Variants in BEND2 observed in about 807,000 individuals in gnomAD.
The protein encoded by BEND2 is BEN domain containing 2, also known as BEN domain-containing protein 2.
BEND2 carries 19 observed loss-of-function variants against 43.8 expected under a neutral mutation model. The observed-to-expected ratio is 0.43, with a 90% CI of 0.30 to 0.64. The LOEUF (loss-of-function observed/expected upper bound fraction) is 0.64. Ranked by LOEUF, BEND2 falls within the 30% of genes least tolerant of loss-of-function variation. BEND2 has a pLI of 0.11. For missense variants in BEND2, 544 were observed against 574.0 expected, an observed-to-expected ratio of 0.95 and a Z score of 0.53; for synonymous variants, 226 against 210.1, an observed-to-expected ratio of 1.08 and a Z score of -0.66.
chrX:18,183,790 G>A (rs935833189), intron 8 of BEND2, among the ~76,000 whole-genome samples: 5 of 112,040 alleles, frequency 4.5e-5, no homozygotes, highest in East Asian at 2.8e-4. Flanking sequence ...TTGTAGAAAC[G>A]GGAGGGAAGA....
intron 12 of BEND2, among the ~76,000 whole-genome samples, chrX:18,173,627 C>T (rs188177916): frequency 1.3e-3 from 141 of 111,424 alleles, no homozygotes; most frequent in African/African-American, 4.2e-3. Context: ...AGTTTAGCAG[C>T]GGGAGCACAA....
chrX:18,166,098 G>C (rs1395901548), intron 13 of BEND2, among the ~76,000 whole-genome samples: 1 of 112,048 alleles, frequency 8.9e-6, no homozygotes, highest in Non-Finnish European at 1.9e-5. Context: ...CCTGGAAAAA[G>C]GTTTTTGTGG....
intron 6 of BEND2, among the ~76,000 whole-genome samples, chrX:18,197,717 G>A (rs763611104): frequency 9.0e-6 from 1 of 111,386 alleles, no homozygotes; most frequent in Admixed American, 9.6e-5. Flanking sequence ...ACTCTCAACC[G>A]TGAATTTATA....
chrX:18,206,889 C>G (rs978366386), intron 4 of BEND2, among the ~76,000 whole-genome samples: 2 of 111,819 alleles, frequency 1.8e-5, no homozygotes, highest in African/African-American at 6.5e-5. Context: ...TATGAAAGAA[C>G]AAGGCAAGCT....
At chrX:18,213,224 A>G (rs1256375993) in intron 3 of BEND2, among the ~76,000 whole-genome samples, 1 of 112,244 alleles carries the variant, frequency 8.9e-6, no homozygotes, top group Non-Finnish European at 1.9e-5. Context: ...AAATAAATGG[A>G]TGTGAAATGT....
intron 3 of BEND2, among the ~76,000 whole-genome samples, chrX:18,213,363 T>G: frequency 8.9e-6 from 1 of 111,838 alleles, no homozygotes; most frequent in Middle Eastern, 4.6e-3. Context: ...TTTAAAAGCC[T>G]GCATCACAGT....
rs28496595 is a variant in BEND2 at position 18,195,346 on chromosome X, G to A, written c.1130C>T (p.Thr377Met). The change falls in exon 7 of 14, where the codon ACG becomes ATG. Residue 377 changes from threonine to methionine, a missense_variant. Coordinates refer to ENST00000380033, the MANE Select transcript of BEND2 (RefSeq NM_153346.5). ...TVYYPALSGN[T>M]SAPYPASSYL... ...TGAAGAGGCTGGATATGGGGCACTC[G>A]TATTTCCCGATAAAGCTGGGTAATA... 4.5e-5 allele frequency: 54 copies of A among 1,206,038 alleles called. No homozygotes were observed. Among genetic ancestry groups the A allele is most frequent in the Non-Finnish European group, 5.9e-5 (53 of 892,842 alleles).
rs192708458 is a variant in BEND2, at chrX:18,212,441, T to C, written c.492+124A>G. The C allele has an allele frequency of 2.0e-3, 1,000 of 493,246 alleles. 7 individuals carry two copies. Among genetic ancestry groups the C allele is most frequent in the Non-Finnish European group, 7.4e-4 (222 of 298,047 alleles). 40.6% of individuals were successfully genotyped at this position (493,246 alleles called of 1,213,427 possible). A position where few individuals can be genotyped will look rare whatever the true frequency, so the allele number is the denominator to read the frequency against. ...CATGGGGTGTAAGTATACACATTTA[T>C]CAAAACTCACTGATTTGTGCATTTT... On this transcript the variant is annotated intron_variant, in intron 4 of 13. Coordinates refer to ENST00000380033, the MANE Select transcript of BEND2 (RefSeq NM_153346.5).
At chrX:18,199,807 G>A (rs1308029275) in intron 6 of BEND2, among the ~76,000 whole-genome samples, 2 of 111,061 alleles carry the variant, frequency 1.8e-5, no homozygotes. Flanking sequence ...AAGAAAGGCT[G>A]AAGAAAAGTA....
At chrX:18,187,724 C>T (rs1441712170) in intron 8 of BEND2, among the ~76,000 whole-genome samples, 1 of 111,847 alleles carries the variant, frequency 8.9e-6, no homozygotes, top group Non-Finnish European at 1.9e-5. Context: ...TATTTCTTCT[C>T]AGCACAAGAA....
intron 10 of BEND2, among the ~76,000 whole-genome samples, chrX:18,176,873 C>T (rs1274492383): frequency 1.8e-5 from 2 of 110,838 alleles, no homozygotes; most frequent in Non-Finnish European, 3.8e-5. Context: ...CTAGAACATC[C>T]TCCTGTTCCT....
chrX:18,197,154 G>A (rs1031417350), intron 6 of BEND2, among the ~76,000 whole-genome samples: 4 of 112,056 alleles, frequency 3.6e-5, no homozygotes, highest in African/African-American at 1.3e-4. Context: ...AATAAAAATG[G>A]CTGGGCACGG....
At chrX:18,186,715 C>T (rs184721490) in intron 8 of BEND2, among the ~76,000 whole-genome samples, 94 of 108,129 alleles carry the variant, frequency 8.7e-4, no homozygotes, top group African/African-American at 3.1e-3. Context: ...AATTCCAGCA[C>T]TTTGGGAGGC....
intron 12 of BEND2, 134 bp from the exon 13 acceptor site, chrX:18,171,338 C>CCGGCCGGGCGCGGTGG: frequency 1.4e-6 from 1 of 704,315 alleles, no homozygotes; most frequent in Non-Finnish European, 2.0e-6. Flanking sequence ...AAATTTAAGG[C>CCGGCCGGGCGCGGTGG]CTTACATTTT....
At chrX:18,188,863 C>A (rs1005709244) in intron 8 of BEND2, among the ~76,000 whole-genome samples, 2 of 111,819 alleles carry the variant, frequency 1.8e-5, no homozygotes, top group Admixed American at 9.5e-5. Context: ...AATACTGATG[C>A]AAAAACCCTC....
intron 6 of BEND2, among the ~76,000 whole-genome samples, chrX:18,197,752 T>A (rs1166778124): frequency 9.0e-6 from 1 of 111,698 alleles, no homozygotes; most frequent in Non-Finnish European, 1.9e-5. Flanking sequence ...CCTTGAGTAA[T>A]GATATGGTTT....
intron 4 of BEND2, among the ~76,000 whole-genome samples, chrX:18,206,389 C>A (rs994385278): frequency 9.0e-6 from 1 of 111,563 alleles, no homozygotes; most frequent in African/African-American, 3.3e-5. Flanking sequence ...CAGAGAAAAA[C>A]AGGAAGCCAG....
intron 13 of BEND2, among the ~76,000 whole-genome samples, chrX:18,166,004 T>TA: frequency 8.9e-6 from 1 of 112,070 alleles, no homozygotes; most frequent in Non-Finnish European, 1.9e-5. Context: ...ACATCACATA[T>TA]ATCCAAATTT....
chrX:18,217,791 T>C (rs1386290135), intron 1 of BEND2, among the ~76,000 whole-genome samples: 1 of 111,438 alleles, frequency 9.0e-6, no homozygotes, highest in Non-Finnish European at 1.9e-5. Context: ...ATAAGAAGTG[T>C]GTTCTCAGGC....
Sources: allele counts gnomAD v4.1 joint callset (sites outside exome capture counted in the v4.1 genomes callset), GRCh38; gene constraint gnomAD v4.1.1; transcripts MANE v1.5; gene names NCBI Gene and HGNC (gene_info 2026-07-23, HGNC 2026-07-21).